The following LAMA3 variants were observed in gnomAD, a reference collection of about 807,000 sequenced individuals.
LAMA3 encodes laminin subunit alpha-3.
In LAMA3, 281 loss-of-function variants were observed where a neutral mutation model predicts 402.0. That is an observed-to-expected ratio of 0.70 (90% CI 0.63 to 0.77). The LOEUF is 0.77. Ranked by LOEUF, LAMA3 falls within the 30% of genes least tolerant of loss-of-function variation. The pLI is 0.00. For missense variants in LAMA3, 3,840 were observed against 4,215.5 expected (o/e 0.91, Z 2.47); for synonymous variants, 1,431 against 1,558.4 (o/e 0.92, Z 1.93).
At chr18:23,873,271 A>G (rs2064593222) in intron 38 of LAMA3, 2 of 1,462,624 alleles carry the variant, frequency 1.4e-6, no homozygotes, top group Non-Finnish European at 1.9e-6. Context: ...GCTTTGTGAC[A>G]TTTTAAGTTA....
intron 12 of LAMA3, among the ~76,000 whole-genome samples, chr18:23,790,106 C>T (rs1441951979): frequency 6.6e-6 from 1 of 152,136 alleles, no homozygotes; most frequent in Non-Finnish European, 1.5e-5. Context: ...TGAGTAGCAC[C>T]CACATTTCTT....
chr18:23,778,158 A>G (rs2062362900), intron 11 of LAMA3, among the ~76,000 whole-genome samples: 1 of 152,336 alleles, frequency 6.6e-6, no homozygotes, highest in South Asian at 2.1e-4. Flanking sequence ...GGCAGAGAGT[A>G]GCAGTGGTGT....
intron 20 of LAMA3, among the ~76,000 whole-genome samples, chr18:23,823,927 A>G (rs1355055696): frequency 6.6e-6 from 1 of 152,198 alleles, no homozygotes; most frequent in East Asian, 1.9e-4. Context: ...AGTCCCAGCT[A>G]CTTGGGAGGC....
chr18:23,894,291 A>G lies in LAMA3; in HGVS notation c.5411-7A>G. ...CTATGTCTTCTTTGGTTATTTTCTG[A>G]TTTTAGACTGCATAAACCAAGAACC... On this transcript the variant is annotated splice_polypyrimidine_tract_variant and splice_region_variant and intron_variant, in intron 42 of 74. Coordinates refer to ENST00000313654, the MANE Select transcript of LAMA3 (RefSeq NM_198129.4). 6.2e-7 allele frequency: 1 copy of G among 1,608,812 alleles called. No homozygotes were observed. The highest frequency in any genetic ancestry group is 8.5e-7 in the Non-Finnish European group (1 of 1,175,150).
Position 23,824,447 on chromosome 18 carries a change from T to G in LAMA3, c.2453T>G (p.Ile818Ser). ...GGTGCTGCTCAAAGCAAAGAGATCA[T>G]CTTCCTGCCGAGTAAGGAGCCAGCC... ...SWGAAQSKEI[I>S]FLPSKEPAFV... Residue 818 changes from isoleucine (I) to serine (S), a missense_variant, in exon 21 of 75, where the codon ATC becomes AGC. Physicochemically the swap from Ile to Ser is moderately radical, Grantham distance 142. This residue lies in a region of LAMA3 where 2,109 missense variants were observed against 2,376.0 expected (regional missense o/e 0.89). Transcript: ENST00000313654. The G allele has an allele frequency of 6.2e-7, 1 of 1,614,168 alleles. No individual in the cohort carries two copies. The highest frequency in any genetic ancestry group is 8.5e-7 in the Non-Finnish European group (1 of 1,179,988).
At chr18:23,727,876 C>T (rs1199525876) in intron 2 of LAMA3, among the ~76,000 whole-genome samples, 1 of 152,048 alleles carries the variant, frequency 6.6e-6, no homozygotes, top group African/African-American at 2.4e-5. Context: ...AGCACAGGCA[C>T]GTGCCACCAC....
intron 2 of LAMA3, among the ~76,000 whole-genome samples, chr18:23,744,238 C>T (rs1017982869): frequency 2.0e-5 from 3 of 152,136 alleles, no homozygotes; most frequent in Non-Finnish European, 2.9e-5. Context: ...TGTTACACAG[C>T]AGGGGTGGTG....
At chr18:23,833,029 C>T (rs2063516560) in intron 23 of LAMA3, among the ~76,000 whole-genome samples, 1 of 151,970 alleles carries the variant, frequency 6.6e-6, no homozygotes. Context: ...AGGAGGACAC[C>T]GAGGCATACA....
chr18:23,861,802 G>A lies in LAMA3; in HGVS notation c.4579G>A (p.Asp1527Asn), dbSNP rs1346140057. 7 of 1,612,384 alleles carry A rather than the reference G, an allele frequency of 4.3e-6. No homozygotes were observed. Among genetic ancestry groups the A allele is most frequent in the Non-Finnish European group, 5.9e-6 (7 of 1,179,150 alleles). The stretch of plus-strand genomic sequence containing the variant: ...GGTCGCACCCACCTCCTACCTGGGG[G>A]ACAAGGTAATGATGTCCTGCTGTTC... ...SWVAPTSYLG[D>N]KVSSYGGYLT... is the part of the protein sequence containing the mutation. Residue 1527 changes from aspartate (D) to asparagine (N), a missense_variant, in exon 35 of 75, where the codon GAC becomes AAC. Physicochemically the swap from Asp to Asn is conservative, Grantham distance 23. This residue lies in a region of LAMA3 where 2,109 missense variants were observed against 2,376.0 expected (regional missense o/e 0.89). Transcript: ENST00000313654.
chr18:23,854,714 G>T (rs1397215990), intron 32 of LAMA3, among the ~76,000 whole-genome samples: 1 of 151,606 alleles, frequency 6.6e-6, no homozygotes, highest in Non-Finnish European at 1.5e-5. Context: ...GCCGGATGTG[G>T]TGGCTTACGC....
At chr18:23,718,905 A>G (rs1031887579) in intron 2 of LAMA3, among the ~76,000 whole-genome samples, 95 of 152,228 alleles carry the variant, frequency 6.2e-4, no homozygotes, top group African/African-American at 2.2e-3. Flanking sequence ...CCAAGGGGCA[A>G]TCCTCATCCC....
intron 60 of LAMA3, among the ~76,000 whole-genome samples, chr18:23,919,151 G>A (rs1206341430): frequency 6.6e-6 from 1 of 152,204 alleles, no homozygotes; most frequent in African/African-American, 2.4e-5. Context: ...ATGACTCTCA[G>A]TAAATTGGTG....
chr18:23,803,461 A>G (rs2062903071), intron 12 of LAMA3, among the ~76,000 whole-genome samples: 2 of 152,166 alleles, frequency 1.3e-5, no homozygotes, highest in African/African-American at 2.4e-5. Context: ...TATCCACAGA[A>G]CAGATCCTCC....
At chr18:23,848,864 G>A (rs139947856) in intron 32 of LAMA3, among the ~76,000 whole-genome samples, 8 of 142,752 alleles carry the variant, frequency 5.6e-5, no homozygotes, top group South Asian at 2.3e-4. Flanking sequence ...CTTTCTCTTC[G>A]CTTCTGGTGT....
Position 23,881,916 on chromosome 18 carries a change from T to C in LAMA3, c.5113-20T>C, listed in dbSNP as rs1365219246. ...GGACTGTACTGGCTGCTGTGAATTGTGCTGTTCACCTGTCCCCAGAACTGT... is the reference window on the plus strand; with the variant it reads ...GGACTGTACTGGCTGCTGTGAATTGCGCTGTTCACCTGTCCCCAGAACTGT... On this transcript the variant is annotated intron_variant, in intron 39 of 74. Coordinates refer to ENST00000313654, the MANE Select transcript of LAMA3 (RefSeq NM_198129.4). 1 of 1,522,438 alleles carries C rather than the reference T, an allele frequency of 6.6e-7. No individual in the cohort carries two copies. The highest frequency in any genetic ancestry group is 9.1e-7 in the Non-Finnish European group (1 of 1,097,712). 94.3% of individuals were successfully genotyped at this position (1,522,438 alleles called of 1,614,324 possible). A position where few individuals can be genotyped will look rare whatever the true frequency, so the allele number is the denominator to read the frequency against.
intron 23 of LAMA3, among the ~76,000 whole-genome samples, chr18:23,828,657 G>A (rs1236637061): frequency 6.6e-6 from 1 of 152,144 alleles, no homozygotes; most frequent in Non-Finnish European, 1.5e-5. Flanking sequence ...ACCAGGAAGT[G>A]ATGCTGATGA....
At position 23,861,745 on chromosome 18, in the gene LAMA3, G is replaced by A. The variant is rs770075309; in HGVS notation, c.4522G>A (p.Glu1508Lys). The change falls in exon 35 of 75, where the codon GAG becomes AAG. Residue 1508 changes from glutamate to lysine, a missense_variant. Around this residue, in one of 3 missense-constraint regions of LAMA3, gnomAD observed 2,109 missense variants for 2,376.0 expected, o/e 0.89. Transcript: ENST00000313654. ...CAACAGTATGGTGGCGGATCTCCAG[G>A]AGCTGCCCGCAACCATCCACAGCGC... ...GSNSMVADLQ[E>K]LPATIHSASW... 7 of 1,613,818 alleles carry A rather than the reference G, an allele frequency of 4.3e-6. No individual in the cohort carries two copies. In the Admixed American group the frequency reaches 1.0e-4, roughly 23 times the overall value.
rs569415953 is a variant in LAMA3 at position 23,753,199 on chromosome 18, A to G, written c.856-522A>G. On this transcript the variant is annotated intron_variant, in intron 5 of 74. Transcript: ENST00000313654. ...TAGCCTTTTTGACCCTGTGCTAGGAAGTCTTCAGCAAATACTGGTGGCCCC... is the reference window on the plus strand; with the variant it reads ...TAGCCTTTTTGACCCTGTGCTAGGAGGTCTTCAGCAAATACTGGTGGCCCC... Among the ~76,000 whole-genome samples, 3 of 152,346 alleles carry G rather than the reference A, an allele frequency of 2.0e-5. No homozygotes were observed. The South Asian group carries it at 6.2e-4, about 32-fold the overall frequency.
intron 61 of LAMA3, 86 bp from the exon 62 acceptor site, chr18:23,921,365 TA>T: frequency 7.1e-7 from 1 of 1,414,386 alleles, no homozygotes; most frequent in East Asian, 2.4e-5. Flanking sequence ...TGGGGGAAGA[TA>T]AATAAAAACA....
Sources: allele counts gnomAD v4.1 joint callset (sites outside exome capture counted in the v4.1 genomes callset), GRCh38; gene constraint gnomAD v4.1.1; regional missense constraint gnomAD v4.1.1; transcripts MANE v1.5; gene names NCBI Gene and HGNC (gene_info 2026-07-23, HGNC 2026-07-21).